Variants in GRID2 observed in about 807,000 individuals in gnomAD.
GRID2 encodes the protein glutamate ionotropic receptor delta type subunit 2, also known as glutamate receptor ionotropic, delta-2.
In GRID2, 33 loss-of-function variants were observed where a neutral mutation model predicts 114.8. The ratio of observed to expected loss-of-function variants is 0.29; its 90% CI spans 0.22 to 0.38. The LOEUF (loss-of-function observed/expected upper bound fraction) is 0.38. Ranked by LOEUF, GRID2 falls within the 10% of genes least tolerant of loss-of-function variation. The probability of loss-of-function intolerance (pLI) is 1.00; values close to 1 mark genes in which losing one functional copy is unlikely to be tolerated. For synonymous variants in GRID2, 505 were observed against 449.9 expected, an observed-to-expected ratio of 1.12 and a Z score of -1.55; for missense variants, 1,184 against 1,257.7, an observed-to-expected ratio of 0.94 and a Z score of 0.89.
intron 2 of GRID2, among the ~76,000 whole-genome samples, chr4:92,965,812 G>T (rs994546810): frequency 6.6e-6 from 1 of 151,748 alleles, no homozygotes; most frequent in Non-Finnish European, 1.5e-5. Context: ...CCCAGATGAC[G>T]AAATTTTGTA....
At chr4:92,724,722 GTAA>G (rs1413765987) in intron 2 of GRID2, among the ~76,000 whole-genome samples, 1 of 152,054 alleles carries the variant, frequency 6.6e-6, no homozygotes, top group African/African-American at 2.4e-5. Flanking sequence ...TAAAATAAGG[GTAA>G]TAATGATACC....
chr4:93,678,357 G>A (rs1014141552), intron 14 of GRID2, among the ~76,000 whole-genome samples: 3 of 152,136 alleles, frequency 2.0e-5, no homozygotes, highest in Non-Finnish European at 4.4e-5. Flanking sequence ...CACTCTGCAG[G>A]ATATTATCCA....
At chr4:92,808,783 C>G (rs1173355755) in intron 2 of GRID2, among the ~76,000 whole-genome samples, 1 of 151,314 alleles carries the variant, frequency 6.6e-6, no homozygotes, top group African/African-American at 2.4e-5. Flanking sequence ...GGCAAAAGAT[C>G]GTGAATTTTT....
At chr4:93,560,268 T>TAAAAAAAAAA (rs1734796548) in intron 13 of GRID2, among the ~76,000 whole-genome samples, 1 of 93,432 alleles carries the variant, frequency 1.1e-5, no homozygotes, top group Non-Finnish European at 2.3e-5. Flanking sequence ...AAGAAATACC[T>TAAAAAAAAAA]AAGACTGAGT....
intron 2 of GRID2, among the ~76,000 whole-genome samples, chr4:92,933,312 T>C (rs1214824582): frequency 2.0e-5 from 3 of 151,404 alleles, no homozygotes; most frequent in Non-Finnish European, 1.5e-5. Context: ...AAGTTTGTTA[T>C]CTAATGTACC....
At chr4:93,335,803 A>T (rs1759020011) in intron 8 of GRID2, among the ~76,000 whole-genome samples, 1 of 151,022 alleles carries the variant, frequency 6.6e-6, no homozygotes, top group Non-Finnish European at 1.5e-5. Flanking sequence ...GGCTCAAGGG[A>T]TCCTCTCACC....
At chr4:93,524,795 A>G (rs1397725179) in intron 13 of GRID2, among the ~76,000 whole-genome samples, 1 of 83,692 alleles carries the variant, frequency 1.2e-5, no homozygotes, top group Admixed American at 1.3e-4. Context: ...GTATATATAT[A>G]TATATATATA....
At chr4:93,542,147 A>C (rs1221876604) in intron 13 of GRID2, among the ~76,000 whole-genome samples, 4 of 152,148 alleles carry the variant, frequency 2.6e-5, no homozygotes, top group African/African-American at 9.7e-5. Flanking sequence ...TCCTCTCACT[A>C]GACTGGGGCA....
intron 1 of GRID2, among the ~76,000 whole-genome samples, chr4:93,783,867 T>G (rs2110352811): frequency 6.6e-6 from 1 of 151,280 alleles, no homozygotes; most frequent in South Asian, 2.1e-4. Flanking sequence ...GGTCAGGAGA[T>G]CGAGACCATC....
At chr4:92,744,782 T>A (rs2149334001) in intron 2 of GRID2, among the ~76,000 whole-genome samples, 1 of 152,300 alleles carries the variant, frequency 6.6e-6, no homozygotes. Context: ...ACCTACTCAT[T>A]ATGTTCTACT....
At chr4:92,831,033 A>G (rs1001790828) in intron 2 of GRID2, among the ~76,000 whole-genome samples, 4 of 152,166 alleles carry the variant, frequency 2.6e-5, no homozygotes, top group African/African-American at 9.7e-5. Flanking sequence ...CCTGACATTT[A>G]AACTGATATA....
intron 1 of GRID2, among the ~76,000 whole-genome samples, chr4:92,501,749 G>GGA (rs1340274299): frequency 1.3e-5 from 2 of 152,132 alleles, no homozygotes; most frequent in Admixed American, 1.3e-4. Flanking sequence ...CAATGGAACT[G>GGA]TTATGGATCT....
intron 2 of GRID2, among the ~76,000 whole-genome samples, chr4:92,787,956 T>A (rs997111633): frequency 6.6e-6 from 1 of 151,734 alleles, no homozygotes; most frequent in East Asian, 1.9e-4. Flanking sequence ...TTAGGCTGTA[T>A]AAATGGAACA....
chr4:92,979,722 G>A (rs932421490), intron 2 of GRID2, among the ~76,000 whole-genome samples: 4 of 152,094 alleles, frequency 2.6e-5, no homozygotes, highest in Non-Finnish European at 4.4e-5. Flanking sequence ...CCATAGTTCT[G>A]CATTTTCAAC....
At chr4:92,741,701 G>A (rs948837584) in intron 2 of GRID2, among the ~76,000 whole-genome samples, 8 of 152,116 alleles carry the variant, frequency 5.3e-5, no homozygotes, top group African/African-American at 1.4e-4. Context: ...TTGTCTGTCC[G>A]TTCAAATGTT....
At chr4:93,321,837 C>G (rs938383347) in intron 8 of GRID2, among the ~76,000 whole-genome samples, 1 of 151,902 alleles carries the variant, frequency 6.6e-6, no homozygotes, top group Non-Finnish European at 1.5e-5. Context: ...TTACCCTCCT[C>G]CCAAACAATA....
chr4:93,372,459 A>G (rs1451134631), intron 8 of GRID2, among the ~76,000 whole-genome samples: 1 of 152,100 alleles, frequency 6.6e-6, no homozygotes, highest in Non-Finnish European at 1.5e-5. Flanking sequence ...CCTTTCTTGT[A>G]TTCCAAGATA....
intron 4 of GRID2, among the ~76,000 whole-genome samples, chr4:93,197,234 G>A (rs551534686): frequency 6.6e-6 from 1 of 152,190 alleles, no homozygotes; most frequent in South Asian, 2.1e-4. Flanking sequence ...CTACATAACA[G>A]GTTCTGCAAC....
At chr4:93,704,230 A>G (rs1727787765) in intron 14 of GRID2, among the ~76,000 whole-genome samples, 1 of 152,086 alleles carries the variant, frequency 6.6e-6, no homozygotes, top group Non-Finnish European at 1.5e-5. Flanking sequence ...TTTGATTTGC[A>G]TTTCTCTGAT....
Sources: allele counts gnomAD v4.1 joint callset (sites outside exome capture counted in the v4.1 genomes callset), GRCh38; gene constraint gnomAD v4.1.1; transcripts MANE v1.5; gene names NCBI Gene and HGNC (gene_info 2026-07-23, HGNC 2026-07-21).